LYZL1: variants seen among roughly 807,000 people sequenced by gnomAD.
LYZL1 encodes the protein lysozyme-like protein 1.
In LYZL1, 16 loss-of-function variants were observed where a neutral mutation model predicts 17.9. That is an observed-to-expected ratio of 0.90 (90% CI 0.61 to 1.36). LYZL1 has a LOEUF of 1.36. LYZL1 is among the 40% of genes most tolerant of loss of function. LYZL1 has a pLI of 0.00. For missense variants in LYZL1, 149 were observed against 188.4 expected, an observed-to-expected ratio of 0.79 and a Z score of 1.22; for synonymous variants, 58 against 71.8, an observed-to-expected ratio of 0.81 and a Z score of 0.97.
intron 2 of LYZL1, among the ~76,000 whole-genome samples, chr10:29,292,232 G>A (rs1025266805): frequency 6.6e-6 from 1 of 150,414 alleles, no homozygotes; most frequent in Non-Finnish European, 1.5e-5. Flanking sequence ...CACTAGCCAG[G>A]GAAGGGGAAA....
intron 3 of LYZL1, among the ~76,000 whole-genome samples, chr10:29,297,470 CA>C (rs1835461846): frequency 6.6e-6 from 1 of 152,080 alleles, no homozygotes; most frequent in Non-Finnish European, 1.5e-5. Flanking sequence ...TTGTGTGACT[CA>C]AAAGTATTAA....
At chr10:29,306,979 T>C (rs1272477594) in intron 3 of LYZL1, among the ~76,000 whole-genome samples, 2 of 152,110 alleles carry the variant, frequency 1.3e-5, no homozygotes, top group Non-Finnish European at 2.9e-5. Flanking sequence ...CTCTGTCTTC[T>C]GAGTAGCTGA....
chr10:29,311,303 C>A (rs1835669737), downstream of LYZL1: 21 of 1,279,764 alleles, frequency 1.6e-5, no homozygotes, highest in South Asian at 3.4e-4. Context: ...AATGCTCTAG[C>A]CTTGGAAAAA....
At chr10:29,298,752 T>G (rs905115752) in intron 3 of LYZL1, among the ~76,000 whole-genome samples, 1 of 152,158 alleles carries the variant, frequency 6.6e-6, no homozygotes, top group Non-Finnish European at 1.5e-5. Context: ...GATTTCTAGT[T>G]ACACCTCATT....
intron 3 of LYZL1, 97 bp downstream of exon 3, chr10:29,292,774 A>C (rs1488730552): frequency 6.6e-7 from 1 of 1,519,156 alleles, no homozygotes; most frequent in Non-Finnish European, 8.8e-7. Context: ...TAAAATTTGG[A>C]GTTCAGGCTT....
chr10:29,299,399 G>GAA lies in LYZL1; in HGVS notation c.298+6731_298+6732dup, dbSNP rs34658730. Among the ~76,000 whole-genome samples the GAA allele has an allele frequency of 8.1e-3, 1,205 of 149,404 alleles. 24 individuals are homozygous for GAA. The highest frequency in any genetic ancestry group is 0.027 in the African/African-American group (1,119 of 40,768). ...TGTGTCTTATGATGAATATGCATTTGAAAAAAAAAATGTGTATTTTATATT... is the reference window on the plus strand; with the variant it reads ...TGTGTCTTATGATGAATATGCATTTGAAAAAAAAAAAATGTGTATTTTATATT... On this transcript the variant is annotated intron_variant, in intron 3 of 4. Transcript: ENST00000649382.
downstream of LYZL1, among the ~76,000 whole-genome samples, chr10:29,314,515 G>A (rs1335064800): frequency 6.6e-6 from 1 of 152,154 alleles, no homozygotes; most frequent in Non-Finnish European, 1.5e-5. Flanking sequence ...TCAGGAGGTT[G>A]AGGTGGGAGG....
intron 3 of LYZL1, among the ~76,000 whole-genome samples, chr10:29,306,963 T>G (rs1428935948): frequency 6.6e-6 from 1 of 152,124 alleles, no homozygotes; most frequent in Non-Finnish European, 1.5e-5. Context: ...CAAGTAATTC[T>G]CCTGCCTCTG....
In LYZL1 at chr10:29,311,026, G is replaced by A. The variant is rs1427941739; in HGVS notation, c.414G>A (p.Leu138=). 1.2e-6 allele frequency: 2 copies of A among 1,614,050 alleles called. No homozygotes were observed. The highest frequency in any genetic ancestry group is 1.7e-6 in the Non-Finnish European group (2 of 1,180,054). The part of the protein sequence containing the change: ...GWKKHCEGRD[L]SEWKKGCEVS ...AGAAACATTGTGAGGGCAGAGACCTGTCCGAGTGGAAAAAAGGCTGTGAGG... is the reference window on the plus strand; with the variant it reads ...AGAAACATTGTGAGGGCAGAGACCTATCCGAGTGGAAAAAAGGCTGTGAGG... Residue 138 remains leucine, a synonymous_variant, in exon 5 of 5, where the codon CTG becomes CTA. Transcript: ENST00000649382.
At chr10:29,295,393 G>C (rs751891359) in intron 3 of LYZL1, among the ~76,000 whole-genome samples, 6 of 152,186 alleles carry the variant, frequency 3.9e-5, no homozygotes, top group Non-Finnish European at 7.3e-5. Context: ...AAAACATTCA[G>C]TATATTCACT....
At chr10:29,306,567 A>G (rs1835595965) in intron 3 of LYZL1, among the ~76,000 whole-genome samples, 4 of 149,340 alleles carry the variant, frequency 2.7e-5, no homozygotes, top group South Asian at 4.2e-4. Flanking sequence ...AAAAAAAAAA[A>G]AAAAAAAAGA....
intron 3 of LYZL1, among the ~76,000 whole-genome samples, chr10:29,302,758 T>C (rs921660789): frequency 6.6e-6 from 1 of 152,208 alleles, no homozygotes; most frequent in African/African-American, 2.4e-5. Flanking sequence ...GTCACCATAG[T>C]TGCCGTACCC....
downstream of LYZL1, among the ~76,000 whole-genome samples, chr10:29,313,865 G>A (rs1260563918): frequency 6.6e-6 from 1 of 152,206 alleles, no homozygotes; most frequent in Non-Finnish European, 1.5e-5. Context: ...CAGATACACT[G>A]AGCAGACCAT....
intron 1 of LYZL1, among the ~76,000 whole-genome samples, 154 bp downstream of exon 1, chr10:29,289,384 G>T (rs1165169773): frequency 1.3e-5 from 2 of 149,686 alleles, no homozygotes; most frequent in African/African-American, 4.9e-5. Context: ...AACTCTATTT[G>T]TAAGCTCTGT....
At chr10:29,306,785 A>G (rs967041948) in intron 3 of LYZL1, among the ~76,000 whole-genome samples, 1 of 139,176 alleles carries the variant, frequency 7.2e-6, no homozygotes, top group Non-Finnish European at 1.5e-5. Flanking sequence ...TCACATAGTT[A>G]CCGCTTATGT....
At chr10:29,306,224 T>C (rs1835587036) in intron 3 of LYZL1, among the ~76,000 whole-genome samples, 1 of 152,134 alleles carries the variant, frequency 6.6e-6, no homozygotes, top group South Asian at 2.1e-4. Flanking sequence ...TAGCCATGAG[T>C]GGCTATAAAG....
At chr10:29,315,729 G>A (rs1168139277), downstream of LYZL1, among the ~76,000 whole-genome samples, 1 of 151,260 alleles carries the variant, frequency 6.6e-6, no homozygotes, top group African/African-American at 2.4e-5. Context: ...TGTGCCTGTG[G>A]TCCCAGCTAC....
intron 3 of LYZL1, among the ~76,000 whole-genome samples, chr10:29,316,719 C>CTT (rs35261405): frequency 3.7e-4 from 37 of 100,426 alleles, no homozygotes; most frequent in Admixed American, 5.0e-4. Flanking sequence ...TTTTTTTTTT[C>CTT]TTTTTTTTTT....
chr10:29,310,057 C>G, intron 3 of LYZL1, 53 bp from the exon 4 acceptor site: 1 of 1,288,746 alleles, frequency 7.8e-7, no homozygotes, highest in Non-Finnish European at 1.1e-6. Context: ...GAGTTGAGGT[C>G]CCTCTCCAAC....
Sources: allele counts gnomAD v4.1 joint callset (sites outside exome capture counted in the v4.1 genomes callset), GRCh38; gene constraint gnomAD v4.1.1; transcripts MANE v1.5; gene names NCBI Gene and HGNC (gene_info 2026-07-23, HGNC 2026-07-21).